Variants in NCAN observed in about 807,000 individuals in gnomAD.
NCAN encodes the protein neurocan.
In NCAN, 47 loss-of-function variants were observed where a neutral mutation model predicts 121.8. That is an observed-to-expected ratio of 0.39 (90% CI 0.31 to 0.49). NCAN has a LOEUF of 0.49. Ranked by LOEUF, NCAN falls within the 20% of genes least tolerant of loss-of-function variation. NCAN has a pLI of 0.92. For synonymous variants in NCAN, 633 were observed against 702.0 expected, an observed-to-expected ratio of 0.90 and a Z score of 1.55; for missense variants, 1,517 against 1,773.4, an observed-to-expected ratio of 0.86 and a Z score of 2.60.
intron 3 of NCAN, among the ~76,000 whole-genome samples, chr19:19,221,616 C>T (rs763158993): frequency 1.3e-5 from 2 of 151,824 alleles, no homozygotes; most frequent in African/African-American, 2.4e-5. Context: ...CCAGATGTGG[C>T]GGCTCACACC....
intron 1 of NCAN, among the ~76,000 whole-genome samples, chr19:19,216,477 A>G (rs1400149832): frequency 6.6e-6 from 1 of 151,862 alleles, no homozygotes; most frequent in Non-Finnish European, 1.5e-5. Flanking sequence ...ACGCCCAGCT[A>G]ATTTTTGTAT....
chr19:19,249,800 CCACCACCAA>C lies in NCAN; in HGVS notation c.3864_3872del (p.Gln1288_His1290del), dbSNP rs750191221. On this transcript the variant is annotated inframe_deletion, in exon 15 of 15. Transcript: ENST00000252575. ...CACATCGGATGCGGCGACACCACCA[CCACCACCAA>C]CACCACCACCAGCATCACCACCACA... 2.5e-5 allele frequency: 40 copies of C among 1,611,590 alleles called. 1 individual carries two copies. In the Admixed American group the frequency reaches 4.0e-4, roughly 16 times the overall value.
At position 19,219,672 on chromosome 19, in the gene NCAN, C is replaced by CAA. The variant is rs56231208; in HGVS notation, c.475+375_475+376dup. 7.5e-4 allele frequency among the ~76,000 whole-genome samples: 37 copies of CAA among 49,256 alleles called. 4 individuals carry two copies. Among genetic ancestry groups the CAA allele is most frequent in the African/African-American group, 3.0e-3 (33 of 10,918 alleles). The allele number at this position is 49,256 out of a possible 152,430, so 32.3% of individuals were successfully genotyped here. On this transcript the variant is annotated intron_variant, in intron 3 of 14. Transcript: ENST00000252575. ...TGGATGACAGAGGGAGACCCTGTCA[C>CAA]AAAAAAAAAAAAAAAAAAAAGGAAA...
intron 1 of NCAN, among the ~76,000 whole-genome samples, chr19:19,215,132 C>T (rs1463326801): frequency 6.6e-6 from 1 of 152,022 alleles, no homozygotes; most frequent in Non-Finnish European, 1.5e-5. Flanking sequence ...CAGAGTTCAG[C>T]ACCACGGACA....
Position 19,245,375 on chromosome 19 carries a change from G to A in NCAN, c.3555G>A (p.Val1185=), listed in dbSNP as rs2060920705. 1.9e-6 allele frequency: 3 copies of A among 1,614,206 alleles called. No individual in the cohort carries two copies. The highest frequency in any genetic ancestry group is 2.5e-6 in the Non-Finnish European group (3 of 1,180,036). The change falls in exon 13 of 15, where the codon GTG becomes GTA. Residue 1185 remains valine (V), a synonymous_variant. Transcript: ENST00000252575. The part of the protein sequence containing the change: ...DNFFAGGEDC[V]VMVAHESGRW... Reference sequence around the variant, plus strand: ...TCTTCGCGGGTGGCGAGGACTGTGTGGTGATGGTGGCGCATGAAAGCGGGC... The same window carrying A: ...TCTTCGCGGGTGGCGAGGACTGTGTAGTGATGGTGGCGCATGAAAGCGGGC...
intron 12 of NCAN, among the ~76,000 whole-genome samples, chr19:19,242,411 C>T (rs1290468007): frequency 6.7e-6 from 1 of 148,394 alleles, no homozygotes; most frequent in Non-Finnish European, 1.5e-5. Flanking sequence ...ACAGGCCAGG[C>T]GTGGTGGGTG....
intron 9 of NCAN, among the ~76,000 whole-genome samples, 158 bp from the exon 10 acceptor site, chr19:19,234,825 C>T (rs1327184557): frequency 6.6e-6 from 1 of 152,230 alleles, no homozygotes; most frequent in Admixed American, 6.5e-5. Flanking sequence ...ACCCCCTTGC[C>T]TGCAGAGTCA....
At chr19:19,248,675 C>T in intron 13 of NCAN, 25 bp from the exon 14 acceptor site, 1 of 1,605,090 alleles carries the variant, frequency 6.2e-7, no homozygotes, top group Non-Finnish European at 8.5e-7. Flanking sequence ...GAGCACCTCT[C>T]TCACTAGAGA....
intron 1 of NCAN, among the ~76,000 whole-genome samples, chr19:19,214,727 GGTGTGTGTGT>G (rs56279536): frequency 1.4e-5 from 2 of 141,140 alleles, no homozygotes; most frequent in Non-Finnish European, 3.1e-5. Context: ...CTGTTAACGG[GGTGTGTGTGT>G]GTGTGTGTGT....
chr19:19,237,661 G>A (rs1042943390), intron 10 of NCAN, among the ~76,000 whole-genome samples: 1 of 152,096 alleles, frequency 6.6e-6, no homozygotes. Flanking sequence ...GTGTGGCCCC[G>A]ACATCAGAGA....
At position 19,226,736 on chromosome 19, in the gene NCAN, G is replaced by C. The variant is rs1305018736; in HGVS notation, c.1323G>C (p.Trp441Cys). 1 of 1,613,080 alleles carries C rather than the reference G, an allele frequency of 6.2e-7. No homozygotes were observed. The highest frequency in any genetic ancestry group is 1.7e-5 in the Admixed American group (1 of 59,998). The change falls in exon 7 of 15, where the codon TGG (tryptophan) becomes TGC (cysteine). Residue 441 changes from tryptophan to cysteine, a missense_variant. By Grantham distance (215) the Trp-to-Cys change is radical. Coordinates refer to ENST00000252575, the MANE Select transcript of NCAN (RefSeq NM_004386.3). Reference protein sequence around the residue: ...PTPGDPMLASWPTGEVWLSTV... With the variant: ...PTPGDPMLASCPTGEVWLSTV... Reference sequence around the variant, plus strand: ...CTGGGGACCCCATGCTGGCCTCATGGCCCACTGGGGAAGTGTGGCTAAGCA... The same window carrying C: ...CTGGGGACCCCATGCTGGCCTCATGCCCCACTGGGGAAGTGTGGCTAAGCA...
In NCAN at chr19:19,232,443, G is replaced by A. The variant is rs528897126; in HGVS notation, c.3020-1346G>A. The stretch of plus-strand genomic sequence containing the variant: ...CCTTGTGCGTGTGCACACACGTGCA[G>A]GGCCGTCGTCCAGCCACAGGCCCTG... On this transcript the variant is annotated intron_variant, in intron 8 of 14. Coordinates refer to ENST00000252575, the MANE Select transcript of NCAN (RefSeq NM_004386.3). Among the ~76,000 whole-genome samples the A allele has an allele frequency of 4.6e-5, 7 of 152,386 alleles. No individual in the cohort carries two copies. The East Asian group carries it at 1.4e-3, about 29-fold the overall frequency.
At position 19,224,054 on chromosome 19, in the gene NCAN, G is replaced by C; in HGVS notation, c.509G>C (p.Arg170Pro). 1 of 1,581,566 alleles carries C rather than the reference G, an allele frequency of 6.3e-7. No individual in the cohort carries two copies. The highest frequency in any genetic ancestry group is 8.6e-7 in the Non-Finnish European group (1 of 1,159,070). ...VVFHYRSARD[R>P]YALTFAEAQE... ...TTCCACTACCGATCAGCCCGGGACC[G>C]CTATGCACTGACCTTCGCTGAGGCC... The change falls in exon 4 of 15, where the codon CGC becomes CCC. Residue 170 changes from arginine to proline, a missense_variant. Physicochemically the swap from Arg to Pro is moderately radical, Grantham distance 103. Coordinates refer to ENST00000252575, the MANE Select transcript of NCAN (RefSeq NM_004386.3).
chr19:19,239,787 T>A (rs2060896177), intron 11 of NCAN, among the ~76,000 whole-genome samples: 2 of 119,198 alleles, frequency 1.7e-5, no homozygotes, highest in South Asian at 6.4e-4. Flanking sequence ...TTGCTCTTCC[T>A]CCTCCCTTCC....
At chr19:19,229,410 TGGCAGGGA>T (rs1325689586) in intron 8 of NCAN, among the ~76,000 whole-genome samples, 1 of 152,064 alleles carries the variant, frequency 6.6e-6, no homozygotes, top group East Asian at 1.9e-4. Context: ...GGAGGAGGCA[TGGCAGGGA>T]GGGTTTCCTG....
At chr19:19,241,108 T>C (rs2060901817) in intron 12 of NCAN, among the ~76,000 whole-genome samples, 1 of 151,776 alleles carries the variant, frequency 6.6e-6, no homozygotes, top group Non-Finnish European at 1.5e-5. Flanking sequence ...ATATAAAAAT[T>C]AGCTGGGTGT....
At chr19:19,221,901 A>G (rs2060818164) in intron 3 of NCAN, among the ~76,000 whole-genome samples, 1 of 152,096 alleles carries the variant, frequency 6.6e-6, no homozygotes, top group Non-Finnish European at 1.5e-5. Context: ...AAATAAATAA[A>G]TAAATAAATA....
chr19:19,224,933 G>A, intron 5 of NCAN, 44 bp from the exon 6 acceptor site: 16 of 1,365,156 alleles, frequency 1.2e-5, no homozygotes, highest in African/African-American at 1.5e-5. Flanking sequence ...GGCTCCAGGG[G>A]AGGGTTCCCC....
Position 19,245,441 on chromosome 19 carries a change from C to G in NCAN, c.3621C>G (p.Val1207=), listed in dbSNP as rs753584249. The G allele has an allele frequency of 1.9e-6, 3 of 1,614,118 alleles. No homozygotes were observed. In the East Asian group the frequency reaches 6.7e-5, roughly 36 times the overall value. ...DVPCNYNLPY[V]CKKGTVLCGP... ...CCTGCAACTACAACCTACCCTATGT[C>G]TGCAAGAAGGGCACAGGTATGCTGT... The change falls in exon 13 of 15, where the codon GTC becomes GTG. Residue 1207 remains valine (V), a synonymous_variant. Coordinates refer to ENST00000252575, the MANE Select transcript of NCAN (RefSeq NM_004386.3).
Sources: allele counts gnomAD v4.1 joint callset (sites outside exome capture counted in the v4.1 genomes callset), GRCh38; gene constraint gnomAD v4.1.1; transcripts MANE v1.5; gene names NCBI Gene and HGNC (gene_info 2026-07-23, HGNC 2026-07-21).